USP25: variants seen among roughly 807,000 people sequenced by gnomAD.
USP25 encodes ubiquitin specific peptidase 25.
USP25 carries 85 observed loss-of-function variants against 158.5 expected under a neutral mutation model. The ratio of observed to expected loss-of-function variants is 0.54; its 90% CI spans 0.45 to 0.64. The LOEUF (loss-of-function observed/expected upper bound fraction) is 0.64. Ranked by LOEUF, USP25 falls within the 30% of genes least tolerant of loss-of-function variation. The pLI, the probability that USP25 is intolerant of heterozygous loss-of-function variation, is 0.00. For missense variants in USP25, 1,242 were observed against 1,327.3 expected (o/e 0.94, Z 1.00); for synonymous variants, 464 against 460.4 (o/e 1.01, Z -0.10).
At chr21:15,848,298 G>C (rs9977069) in intron 19 of USP25, among the ~76,000 whole-genome samples, 32,372 of 151,898 alleles carry the variant, frequency 0.21, 5,153 homozygotes, top group African/African-American at 0.46. Context: ...GGACCTCCAT[G>C]TTTATTCTTA....
intron 20 of USP25, among the ~76,000 whole-genome samples, chr21:15,861,283 G>A (rs577179370): frequency 3.3e-5 from 5 of 152,218 alleles, no homozygotes; most frequent in Middle Eastern, 3.4e-3. Flanking sequence ...CTTGTTGCAG[G>A]ATGATAGGAA....
intron 4 of USP25, among the ~76,000 whole-genome samples, chr21:15,786,975 G>C (rs1411314818): frequency 1.3e-5 from 2 of 152,032 alleles, no homozygotes; most frequent in African/African-American, 4.8e-5. Context: ...CTAACGGTGA[G>C]TTATTTGAAA....
At chr21:15,732,816 A>G (rs771799680) in intron 1 of USP25, among the ~76,000 whole-genome samples, 3 of 152,128 alleles carry the variant, frequency 2.0e-5, no homozygotes, top group Admixed American at 6.5e-5. Context: ...TATAGAATTC[A>G]TTAGTCTTTG....
intron 3 of USP25, among the ~76,000 whole-genome samples, chr21:15,770,367 T>C (rs886384219): frequency 5.9e-5 from 9 of 152,156 alleles, no homozygotes; most frequent in Non-Finnish European, 1.2e-4. Flanking sequence ...AGATGCATTT[T>C]ATTAGATATG....
At chr21:15,806,788 AT>A (rs1235057322) in intron 7 of USP25, among the ~76,000 whole-genome samples, 1 of 152,124 alleles carries the variant, frequency 6.6e-6, no homozygotes, top group African/African-American at 2.4e-5. Flanking sequence ...AAGCATCATG[AT>A]TTTTTTAAAA....
At chr21:15,850,574 T>C (rs2038840433) in intron 20 of USP25, among the ~76,000 whole-genome samples, 1 of 152,026 alleles carries the variant, frequency 6.6e-6, no homozygotes, top group Admixed American at 6.6e-5. Flanking sequence ...TTTCACTCTT[T>C]TCAAACCCTT....
chr21:15,798,722 TAC>T (rs1041099133), intron 5 of USP25, among the ~76,000 whole-genome samples: 33 of 151,342 alleles, frequency 2.2e-4, no homozygotes, highest in Non-Finnish European at 1.5e-5. Context: ...AATTTTTTTT[TAC>T]AGTTTCTGTT....
intron 7 of USP25, among the ~76,000 whole-genome samples, chr21:15,805,865 A>G (rs1287896006): frequency 6.6e-6 from 1 of 152,202 alleles, no homozygotes; most frequent in Non-Finnish European, 1.5e-5. Context: ...AGATAGCGGC[A>G]ATGTGTAATG....
intron 3 of USP25, among the ~76,000 whole-genome samples, chr21:15,774,636 C>T (rs1467001748): frequency 6.6e-6 from 1 of 152,152 alleles, no homozygotes; most frequent in Non-Finnish European, 1.5e-5. Context: ...TTGTTAGCAA[C>T]AGCATACTCT....
At chr21:15,773,953 C>T (rs1025869987) in intron 3 of USP25, among the ~76,000 whole-genome samples, 1 of 152,128 alleles carries the variant, frequency 6.6e-6, no homozygotes, top group African/African-American at 2.4e-5. Flanking sequence ...TGAAGGTTTG[C>T]ATTCTATTGC....
chr21:15,759,922 C>T (rs995199300), intron 1 of USP25, among the ~76,000 whole-genome samples: 6 of 152,154 alleles, frequency 3.9e-5, no homozygotes, highest in African/African-American at 1.4e-4. Context: ...TTTATTCATC[C>T]ATTTTGATAC....
At chr21:15,783,956 C>T (rs1397013736) in intron 4 of USP25, among the ~76,000 whole-genome samples, 2 of 151,744 alleles carry the variant, frequency 1.3e-5, no homozygotes, top group East Asian at 3.9e-4. Context: ...GGCGACAGAG[C>T]GAGACTCCGT....
intron 17 of USP25, among the ~76,000 whole-genome samples, chr21:15,839,216 A>G (rs562970315): frequency 2.6e-5 from 4 of 152,248 alleles, no homozygotes; most frequent in African/African-American, 7.2e-5. Flanking sequence ...CGTGACTACA[A>G]CACCACTCAT....
At chr21:15,740,467 C>T (rs975835355) in intron 1 of USP25, among the ~76,000 whole-genome samples, 1 of 152,026 alleles carries the variant, frequency 6.6e-6, no homozygotes, top group Non-Finnish European at 1.5e-5. Context: ...GGAGCTGTCT[C>T]CTCCCTCAGG....
rs2040205349 is a variant in USP25 at position 15,879,134 on chromosome 21, C to A, written c.*659C>A. ...ATGGCACCGGAACCTGTTTTGAATT[C>A]AGTCAGGTTTTTACTCAAGTAAGTG... On this transcript the variant is annotated 3_prime_UTR_variant, in exon 26 of 26. Coordinates refer to ENST00000400183, the MANE Select transcript of USP25 (RefSeq NM_001283041.3). 6.6e-6 allele frequency: 1 copy of A among 152,420 alleles called. No homozygotes were observed. Among genetic ancestry groups the A allele is most frequent in the Non-Finnish European group, 1.5e-5 (1 of 67,986 alleles). 9.4% of individuals were successfully genotyped at this position (152,420 alleles called of 1,614,324 possible).
At chr21:15,732,767 A>T (rs1286933900) in intron 1 of USP25, among the ~76,000 whole-genome samples, 1 of 152,192 alleles carries the variant, frequency 6.6e-6, no homozygotes, top group Non-Finnish European at 1.5e-5. Flanking sequence ...TGTTTGCAGC[A>T]CCACACTACA....
intron 20 of USP25, among the ~76,000 whole-genome samples, chr21:15,857,121 A>G (rs894497474): frequency 6.6e-6 from 1 of 152,170 alleles, no homozygotes; most frequent in African/African-American, 2.4e-5. Context: ...ACCTCAGGCA[A>G]TTTATTAAAT....
chr21:15,746,868 T>C (rs2032600904), intron 1 of USP25, among the ~76,000 whole-genome samples: 1 of 152,242 alleles, frequency 6.6e-6, no homozygotes, highest in South Asian at 2.1e-4. Context: ...TCTAAAATGT[T>C]TAATAGAAGT....
intron 5 of USP25, among the ~76,000 whole-genome samples, chr21:15,793,886 T>G (rs2035725130): frequency 6.6e-6 from 1 of 151,750 alleles, no homozygotes; most frequent in Non-Finnish European, 1.5e-5. Flanking sequence ...TTTCTACCAT[T>G]ATTGCTTAAC....
Sources: allele counts gnomAD v4.1 joint callset (sites outside exome capture counted in the v4.1 genomes callset), GRCh38; gene constraint gnomAD v4.1.1; transcripts MANE v1.5; gene names NCBI Gene and HGNC (gene_info 2026-07-23, HGNC 2026-07-21).